FUCA1: variants seen among roughly 807,000 people sequenced by gnomAD.
FUCA1 encodes the protein tissue alpha-L-fucosidase.
FUCA1 carries 52 observed loss-of-function variants against 56.8 expected under a neutral mutation model. That is an observed-to-expected ratio of 0.92 (90% confidence interval 0.73 to 1.15). The LOEUF (loss-of-function observed/expected upper bound fraction) is 1.15, where lower values mean the gene tolerates loss of function less well. Among genes scored for constraint, FUCA1 ranks in the 50% most tolerant of loss-of-function variants. FUCA1 has a pLI of 0.00. For missense variants in FUCA1, 568 were observed against 592.6 expected, an observed-to-expected ratio of 0.96 and a Z score of 0.43; for synonymous variants, 230 against 226.6, an observed-to-expected ratio of 1.02 and a Z score of -0.14.
In FUCA1 at chr1:23,859,585, C is replaced by A. The variant is rs555087891; in HGVS notation, c.768+213G>T. Among the ~76,000 whole-genome samples the A allele has an allele frequency of 1.6e-4, 24 of 148,232 alleles. No homozygotes were observed. In the South Asian group the frequency reaches 4.5e-3, roughly 28 times the overall value. Reference sequence around the variant, plus strand: ...TGTCTCAATTAAAAAAAAAAAAAAACAACACTAAAGGAGAAGAAAACTTAT... The same window carrying A: ...TGTCTCAATTAAAAAAAAAAAAAAAAAACACTAAAGGAGAAGAAAACTTAT... On this transcript the variant is annotated intron_variant, in intron 4 of 7. Coordinates refer to ENST00000374479, the MANE Select transcript of FUCA1 (RefSeq NM_000147.5).
In FUCA1 at chr1:23,859,848, A is replaced by G; in HGVS notation, c.718T>C (p.Trp240Arg). 6.2e-7 allele frequency: 1 copy of G among 1,613,652 alleles called. No homozygotes were observed. The highest frequency in any genetic ancestry group is 8.5e-7 in the Non-Finnish European group (1 of 1,179,560). The change falls in exon 4 of 8, where the codon TGG becomes CGG. Residue 240 changes from tryptophan (W) to arginine (R), a missense_variant. Transcript: ENST00000374479. ...DGEWECPDTY[W>R]NSTNFLSWLY... ...CATGAAAGAAAATTTGTGGAGTTCC[A>G]GTAAGTATCAGGACATTCCCACTCC...
intron 2 of FUCA1, among the ~76,000 whole-genome samples, chr1:23,864,001 A>G (rs1403674000): frequency 6.6e-6 from 1 of 152,150 alleles, no homozygotes; most frequent in Non-Finnish European, 1.5e-5. Context: ...AATAATCATT[A>G]GTAACATTTT....
At chr1:23,865,380 C>T in intron 2 of FUCA1, 111 bp downstream of exon 2, 1 of 1,407,450 alleles carries the variant, frequency 7.1e-7, no homozygotes, top group Non-Finnish European at 1.0e-6. Flanking sequence ...AAAAGCCCTT[C>T]AGGCTACTTG....
At chr1:23,845,964 G>A in intron 7 of FUCA1, 109 bp from the exon 8 acceptor site, 1 of 1,527,184 alleles carries the variant, frequency 6.5e-7, no homozygotes, top group Non-Finnish European at 9.1e-7. Context: ...AGGAAAGCCA[G>A]TCTAAAAGAG....
At chr1:23,864,231 T>G (rs1046363979) in intron 2 of FUCA1, among the ~76,000 whole-genome samples, 11 of 151,716 alleles carry the variant, frequency 7.3e-5, no homozygotes, top group African/African-American at 2.7e-4. Context: ...AGACTACAGG[T>G]GCCCACCACC....
chr1:23,849,870 C>T (rs540658284), intron 5 of FUCA1, among the ~76,000 whole-genome samples: 14 of 151,994 alleles, frequency 9.2e-5, no homozygotes, highest in East Asian at 1.9e-4. Context: ...TGTGAGCCAC[C>T]GTGCTCAGCC....
At chr1:23,859,970 A>ATT in intron 3 of FUCA1, 67 bp from the exon 4 acceptor site, 131 of 881,966 alleles carry the variant, frequency 1.5e-4, no homozygotes, top group Middle Eastern at 2.4e-4. Context: ...CTTATGGACC[A>ATT]TTTTTTTTTT....
At chr1:23,853,166 C>T (rs1428667602) in intron 5 of FUCA1, among the ~76,000 whole-genome samples, 2 of 150,936 alleles carry the variant, frequency 1.3e-5, no homozygotes, top group Non-Finnish European at 1.5e-5. Context: ...TGCCCGGCCG[C>T]GACCCCGTCT....
At chr1:23,859,932 T>C in intron 3 of FUCA1, 29 bp from the exon 4 acceptor site, 1 of 1,430,632 alleles carries the variant, frequency 7.0e-7, no homozygotes, top group East Asian at 2.3e-5. Flanking sequence ...GGACAGAGCT[T>C]ATTATCTGAA....
In FUCA1 at chr1:23,867,442, A is replaced by C. The variant is rs1639647136; in HGVS notation, c.389+456T>G. Among the ~76,000 whole-genome samples, 2 of 152,170 alleles carry C rather than the reference A, an allele frequency of 1.3e-5. No homozygotes were observed. On this transcript the variant is annotated intron_variant, in intron 1 of 7. Coordinates refer to ENST00000374479, the MANE Select transcript of FUCA1 (RefSeq NM_000147.5). The surrounding 1 kb of genome is among the most constrained non-coding windows in gnomAD (Gnocchi z 4.9). ...GAACTCCCCTCTCTTTCCCTCTTAGAGACATTAGGGCTCAAAGGGTTGTAT... is the reference window on the plus strand; with the variant it reads ...GAACTCCCCTCTCTTTCCCTCTTAGCGACATTAGGGCTCAAAGGGTTGTAT...
intron 3 of FUCA1, among the ~76,000 whole-genome samples, chr1:23,861,215 T>C (rs1275382999): frequency 6.8e-6 from 1 of 146,976 alleles, no homozygotes; most frequent in Middle Eastern, 3.7e-3. Flanking sequence ...CCCAGCTACT[T>C]GGGAGGCTGA....
intron 3 of FUCA1, among the ~76,000 whole-genome samples, chr1:23,860,588 A>G (rs1639486871): frequency 6.6e-6 from 1 of 150,718 alleles, no homozygotes; most frequent in Non-Finnish European, 1.5e-5. Context: ...CGTCTCAAAA[A>G]AAAAAAAAAA....
rs1242691079 is a variant in FUCA1, at chr1:23,859,384, TG to T, written c.768+413del. ...GGGTTCGAGAGCAGCCTGCCCAACA[TG>T]GCGAAACCCTGTCTCTACTAAAAAC... On this transcript the variant is annotated intron_variant, in intron 4 of 7. Transcript: ENST00000374479. 4.6e-5 allele frequency among the ~76,000 whole-genome samples: 7 copies of T among 152,084 alleles called. No homozygotes were observed. In the East Asian group the frequency reaches 1.4e-3, roughly 30 times the overall value.
chr1:23,865,494 T>G lies in FUCA1; in HGVS notation c.521A>C (p.Lys174Thr). The G allele has an allele frequency of 6.2e-7, 1 of 1,614,224 alleles. No individual in the cohort carries two copies. The highest frequency in any genetic ancestry group is 1.3e-5 in the African/African-American group (1 of 75,060). The change falls in exon 2 of 8, where the codon AAG becomes ACG. Residue 174 changes from lysine (K) to threonine (T), a missense_variant. Physicochemically the swap from Lys to Thr is moderately conservative, Grantham distance 78. Transcript: ENST00000374479. Reference sequence around the variant, plus strand: ...GTAACCATCCCTGGACACTCACCTCTTCCGGAGAGCTGTTCCCAATTCACC... The same window carrying G: ...GTAACCATCCCTGGACACTCACCTCGTCCGGAGAGCTGTTCCCAATTCACC... ...LVGELGTALR[K>T]RNIRYGLYHS... is the part of the protein sequence containing the mutation.
chr1:23,849,921 T>C (rs1639223182), intron 5 of FUCA1, among the ~76,000 whole-genome samples: 1 of 151,886 alleles, frequency 6.6e-6, no homozygotes, highest in Admixed American at 6.6e-5. Flanking sequence ...GGGATTTGGG[T>C]GTGTGTGTTT....
At chr1:23,858,524 A>C (rs1008862127) in intron 4 of FUCA1, among the ~76,000 whole-genome samples, 1 of 152,230 alleles carries the variant, frequency 6.6e-6, no homozygotes, top group Non-Finnish European at 1.5e-5. Flanking sequence ...CAAGTACGCT[A>C]AAATACAAAC....
chr1:23,862,449 A>G (rs1029680525), intron 3 of FUCA1, among the ~76,000 whole-genome samples: 4 of 152,106 alleles, frequency 2.6e-5, no homozygotes, highest in South Asian at 2.1e-4. Context: ...TTACAGGCGT[A>G]AGCCACTGCG....
intron 4 of FUCA1, among the ~76,000 whole-genome samples, chr1:23,859,387 C>T (rs12141409): frequency 0.27 from 40,680 of 151,684 alleles, 6,006 homozygotes; most frequent in Non-Finnish European, 0.33. Flanking sequence ...CCCAACATGG[C>T]GAAACCCTGT....
chr1:23,863,298 T>G, intron 2 of FUCA1, 27 bp from the exon 3 acceptor site: 1 of 1,608,596 alleles, frequency 6.2e-7, no homozygotes, highest in Non-Finnish European at 8.5e-7. Context: ...GAACAGCAAC[T>G]GTCATTAAGC....
Sources: allele counts gnomAD v4.1 joint callset (sites outside exome capture counted in the v4.1 genomes callset), GRCh38; gene constraint gnomAD v4.1.1; non-coding constraint Gnocchi (gnomAD v3.1); transcripts MANE v1.5; gene names NCBI Gene and HGNC (gene_info 2026-07-23, HGNC 2026-07-21).